PDYN: variants seen among roughly 807,000 people sequenced by gnomAD.
PDYN encodes proenkephalin-B.
PDYN carries 5 observed loss-of-function variants against 11.4 expected under a neutral mutation model. The observed-to-expected ratio is 0.44, with a 90% CI of 0.23 to 0.92. The LOEUF (loss-of-function observed/expected upper bound fraction) is 0.92. Ranked by LOEUF, PDYN falls within the 40% of genes least tolerant of loss-of-function variation. PDYN has a pLI of 0.24. For missense variants in PDYN, 337 were observed against 317.3 expected, an observed-to-expected ratio of 1.06 and a Z score of -0.47; for synonymous variants, 132 against 129.5, an observed-to-expected ratio of 1.02 and a Z score of -0.13.
At chr20:1,983,429 A>C (rs116175984) in intron 2 of PDYN, among the ~76,000 whole-genome samples, 1,893 of 152,326 alleles carry the variant, frequency 0.012, 27 homozygotes, top group Middle Eastern at 0.041. Flanking sequence ...GTGGTTGCAC[A>C]CAGCTAGGAA....
chr20:1,985,488 C>T (rs1257873213), intron 2 of PDYN, among the ~76,000 whole-genome samples: 1 of 152,160 alleles, frequency 6.6e-6, no homozygotes, highest in Non-Finnish European at 1.5e-5. Flanking sequence ...GTGGCAGCTG[C>T]ACCCTCCGTG....
intron 2 of PDYN, among the ~76,000 whole-genome samples, chr20:1,989,389 C>T (rs1328085035): frequency 5.3e-5 from 8 of 152,100 alleles, no homozygotes; most frequent in Non-Finnish European, 8.8e-5. Flanking sequence ...CATTTGGTGC[C>T]ACCTCCTCCA....
rs73573504 is a variant in PDYN, at chr20:1,991,189, A to G, written c.-20+1395T>C. On this transcript the variant is annotated intron_variant, in intron 2 of 3. Transcript: ENST00000217305. ...AGTCTGCCCTTTGTTCCTAGGGACC[A>G]GTGGGCAAGAGACCCTGCCACATAA... Among the ~76,000 whole-genome samples the G allele has an allele frequency of 7.2e-3, 1,101 of 152,310 alleles. 12 individuals are homozygous for G. The highest frequency in any genetic ancestry group is 0.025 in the African/African-American group (1,047 of 41,562).
At position 1,980,217 on chromosome 20, in the gene PDYN, T is replaced by G; in HGVS notation, c.*106A>C. On this transcript the variant is annotated 3_prime_UTR_variant, in exon 4 of 4. Coordinates refer to ENST00000217305, the MANE Select transcript of PDYN (RefSeq NM_024411.5). ...GGCTTGGATATTTTGTACACAATGC[T>G]GAGCTGAGCATGGGGAAGGGGCACA... is the stretch of plus-strand genomic sequence containing the variant. 8.9e-7 allele frequency: 1 copy of G among 1,126,172 alleles called. No homozygotes were observed. The highest frequency in any genetic ancestry group is 1.3e-6 in the Non-Finnish European group (1 of 740,990). 69.8% of individuals were successfully genotyped at this position (1,126,172 alleles called of 1,614,324 possible). A position where few individuals can be genotyped will look rare whatever the true frequency, so the allele number is the denominator to read the frequency against.
In PDYN at chr20:1,980,092, G is replaced by C. The variant is rs565210312; in HGVS notation, c.*231C>G. 284 of 596,332 alleles carry C rather than the reference G, an allele frequency of 4.8e-4. 1 individual carries two copies. The highest frequency in any genetic ancestry group is 1.2e-3 in the Admixed American group (42 of 34,666). The allele number at this position is 596,332 out of a possible 1,614,324, so 36.9% of individuals were successfully genotyped here. On this transcript the variant is annotated 3_prime_UTR_variant, in exon 4 of 4. Coordinates refer to ENST00000217305, the MANE Select transcript of PDYN (RefSeq NM_024411.5). ...TGATAGTTTTAGAGTCTAGGTGTCT[G>C]AGCCAAGCACTAAGCCTATTGTGGG...
chr20:1,986,926 T>C (rs1020001858), intron 2 of PDYN, among the ~76,000 whole-genome samples: 3 of 152,208 alleles, frequency 2.0e-5, no homozygotes, highest in Non-Finnish European at 2.9e-5. Context: ...TATTCAAAAC[T>C]CAGCCTCAGT....
chr20:1,991,642 G>T (rs117043751), intron 2 of PDYN, among the ~76,000 whole-genome samples: 2 of 152,338 alleles, frequency 1.3e-5, no homozygotes, highest in Non-Finnish European at 2.9e-5. Flanking sequence ...CAACATTCAT[G>T]GGCTGAGATG....
At chr20:1,993,516 C>T (rs924538949) in intron 1 of PDYN, among the ~76,000 whole-genome samples, 1 of 152,336 alleles carries the variant, frequency 6.6e-6, no homozygotes, top group South Asian at 2.1e-4. Flanking sequence ...TCCAGTGAGA[C>T]TCATTGACCT....
chr20:1,979,967 A>G lies in PDYN; in HGVS notation c.*356T>C, dbSNP rs114429882. On this transcript the variant is annotated 3_prime_UTR_variant, in exon 4 of 4. Coordinates refer to ENST00000217305, the MANE Select transcript of PDYN (RefSeq NM_024411.5). ...GTTTGGACATCATAGACCTACAGGT[A>G]CAAAGAACACATCGCTCTGGTTCCC... The G allele has an allele frequency of 3.6e-3, 1,344 of 371,794 alleles. 12 individuals are homozygous for G. The highest frequency in any genetic ancestry group is 0.024 in the African/African-American group (1,137 of 48,084). The allele number at this position is 371,794 out of a possible 1,614,324, so 23.0% of individuals were successfully genotyped here.
At chr20:1,984,700 A>G (rs761641416) in intron 2 of PDYN, among the ~76,000 whole-genome samples, 2 of 152,184 alleles carry the variant, frequency 1.3e-5, no homozygotes, top group Non-Finnish European at 2.9e-5. Flanking sequence ...GGAATTTGAG[A>G]CCAGCCTGAC....
chr20:1,992,875 CTT>C (rs1421464697), intron 1 of PDYN, among the ~76,000 whole-genome samples: 3 of 152,132 alleles, frequency 2.0e-5, no homozygotes, highest in Admixed American at 6.5e-5. Flanking sequence ...ATAATGAAGA[CTT>C]TCAGTCTGTG....
chr20:1,993,052 C>CT (rs57340342), intron 1 of PDYN, among the ~76,000 whole-genome samples: 7,887 of 115,280 alleles, frequency 0.068, 511 homozygotes, highest in African/African-American at 0.16. Context: ...AGTCAGCAGG[C>CT]TTTTTTTTTT....
At chr20:1,982,584 A>G (rs1987892112) in intron 3 of PDYN, among the ~76,000 whole-genome samples, 1 of 152,152 alleles carries the variant, frequency 6.6e-6, no homozygotes, top group Non-Finnish European at 1.5e-5. Context: ...AGCTCCTCTC[A>G]TGGAACTGTC....
At chr20:1,986,612 G>A (rs1172188084) in intron 2 of PDYN, among the ~76,000 whole-genome samples, 1 of 152,130 alleles carries the variant, frequency 6.6e-6, no homozygotes, top group African/African-American at 2.4e-5. Flanking sequence ...TTATTGTAAG[G>A]GGGTCCTTCT....
chr20:1,982,665 G>A (rs559427179), intron 3 of PDYN, among the ~76,000 whole-genome samples: 4 of 152,308 alleles, frequency 2.6e-5, no homozygotes, highest in East Asian at 1.9e-4. Flanking sequence ...GCTGACTGCC[G>A]AAGTCAGCAC....
At chr20:1,990,536 A>G (rs896109184) in intron 2 of PDYN, among the ~76,000 whole-genome samples, 2 of 152,144 alleles carry the variant, frequency 1.3e-5, no homozygotes, top group Non-Finnish European at 2.9e-5. Context: ...GTAAACCCAC[A>G]CTTTAGCCTG....
chr20:1,981,695 G>A (rs1306944418), intron 3 of PDYN, among the ~76,000 whole-genome samples: 1 of 152,090 alleles, frequency 6.6e-6, no homozygotes, highest in African/African-American at 2.4e-5. Context: ...GGAGACCAAA[G>A]CTGGCGGATC....
intron 2 of PDYN, among the ~76,000 whole-genome samples, chr20:1,984,551 G>C (rs1988053958): frequency 6.6e-6 from 1 of 152,074 alleles, no homozygotes; most frequent in Non-Finnish European, 1.5e-5. Context: ...CACATCGCAG[G>C]TCCTCCATAA....
intron 3 of PDYN, among the ~76,000 whole-genome samples, chr20:1,981,605 T>C (rs1015428274): frequency 2.6e-5 from 4 of 152,262 alleles, no homozygotes; most frequent in Admixed American, 6.5e-5. Flanking sequence ...ATTGTGTGCA[T>C]CTCTCAGTGG....
Sources: gnomAD v4.1 joint callset for allele counts (sites outside exome capture counted in the v4.1 genomes callset) on GRCh38, gnomAD v4.1.1 for gene constraint, MANE v1.5 for transcripts, NCBI Gene and HGNC (gene_info 2026-07-23, HGNC 2026-07-21) for gene names.